CDC42SE2: variants seen among roughly 807,000 people sequenced by gnomAD.
CDC42SE2 encodes CDC42 small effector protein 2.
CDC42SE2 carries 3 observed loss-of-function variants against 11.5 expected under a neutral mutation model. The ratio of observed to expected loss-of-function variants is 0.26; its 90% CI spans 0.12 to 0.67. The LOEUF (loss-of-function observed/expected upper bound fraction) is 0.67, where lower values mean the gene tolerates loss of function less well. Among genes scored for constraint, CDC42SE2 ranks in the 30% least tolerant of loss-of-function variants. The pLI, the probability that CDC42SE2 is intolerant of heterozygous loss-of-function variation, is 0.80. For synonymous variants in CDC42SE2, 33 were observed against 34.8 expected, an observed-to-expected ratio of 0.95 and a Z score of 0.18; for missense variants, 82 against 106.8, an observed-to-expected ratio of 0.77 and a Z score of 1.02.
rs1750712054 is a variant in CDC42SE2, at chr5:131,393,017, A to ATATT, written c.*1928_*1931dup. The ATATT allele has an allele frequency of 6.6e-6, 1 of 152,308 alleles. No homozygotes were observed. The highest frequency in any genetic ancestry group is 2.4e-5 in the African/African-American group (1 of 41,442). 9.4% of individuals were successfully genotyped at this position (152,308 alleles called of 1,614,324 possible). The stretch of plus-strand genomic sequence containing the variant: ...CTTGCACGAATTTTGTATATTTCAA[A>ATATT]TATTTCTGTAAAGGTTTCTTCTTTT... On this transcript the variant is annotated 3_prime_UTR_variant, in exon 5 of 5. Coordinates refer to ENST00000505065, the MANE Select transcript of CDC42SE2 (RefSeq NM_001375635.1).
chr5:131,339,246 GAAAAAAAA>G lies in CDC42SE2; in HGVS notation c.-285-19944_-285-19937del, dbSNP rs34594352. On this transcript the variant is annotated intron_variant, in intron 2 of 4. Transcript: ENST00000505065. ...GTGGTGACAGAGTGAGACTCTGTCT[GAAAAAAAA>G]AAAAAAAAAAAAAAAAAAGAATGCT... Among the ~76,000 whole-genome samples, 18 of 28,238 alleles carry G rather than the reference GAAAAAAAA, an allele frequency of 6.4e-4. No homozygotes were observed. In the East Asian group the frequency reaches 9.9e-3, roughly 16 times the overall value. The allele number at this position is 28,238 out of a possible 152,430, so 18.5% of individuals were successfully genotyped here. A position where few individuals can be genotyped will look rare whatever the true frequency, so the allele number is the denominator to read the frequency against.
chr5:131,279,992 A>C (rs1433192172), intron 1 of CDC42SE2, among the ~76,000 whole-genome samples: 1 of 152,176 alleles, frequency 6.6e-6, no homozygotes, highest in Non-Finnish European at 1.5e-5. Context: ...GCTTGAGCCT[A>C]GGATGTCAAG....
At chr5:131,238,134 A>T in the CDC42SE2 span, among the ~76,000 whole-genome samples, 151,549 of 151,550 alleles carry the variant, frequency 1, 75,774 homozygotes, top group Non-Finnish European at 1. Flanking sequence ...ATCTAAATAA[A>T]TTCTCGGGGG....
At chr5:131,264,498 C>CCG (rs1374160985) in intron 1 of CDC42SE2, among the ~76,000 whole-genome samples, 1 of 151,784 alleles carries the variant, frequency 6.6e-6, no homozygotes, top group Non-Finnish European at 1.5e-5. Flanking sequence ...CAGACCCCCC[C>CCG]CCTCCCCCCA....
intron 1 of CDC42SE2, chr5:131,252,975 C>T (rs1044106100): frequency 2.0e-5 from 3 of 152,230 alleles, no homozygotes; most frequent in Non-Finnish European, 4.4e-5. Flanking sequence ...TGCGCAACTT[C>T]CTCTTCGCAC....
At position 131,356,648 on chromosome 5, in the gene CDC42SE2, G is replaced by A. The variant is rs145932076; in HGVS notation, c.-285-2561G>A. Among the ~76,000 whole-genome samples the A allele has an allele frequency of 4.2e-3, 633 of 152,290 alleles. 3 individuals are homozygous for A. Among genetic ancestry groups the A allele is most frequent in the Middle Eastern group, 0.017 (5 of 294 alleles). ...AGTTATTGTACTTTAGGCCAGGTGCGGTGGCTCATGTCTATAATGCCAGCA... is the reference window on the plus strand; with the variant it reads ...AGTTATTGTACTTTAGGCCAGGTGCAGTGGCTCATGTCTATAATGCCAGCA... On this transcript the variant is annotated intron_variant, in intron 2 of 4. Coordinates refer to ENST00000505065, the MANE Select transcript of CDC42SE2 (RefSeq NM_001375635.1).
chr5:131,273,423 T>C (rs2149695326), intron 1 of CDC42SE2, among the ~76,000 whole-genome samples: 1 of 150,196 alleles, frequency 6.7e-6, no homozygotes, highest in Non-Finnish European at 1.5e-5. Context: ...CCCAAAGTGC[T>C]GGGATTATAG....
chr5:131,309,245 C>A, intron 1 of CDC42SE2, among the ~76,000 whole-genome samples: 1 of 151,288 alleles, frequency 6.6e-6, no homozygotes, highest in Non-Finnish European at 1.5e-5. Flanking sequence ...TGCTGGATTA[C>A]ATTTATTGAT....
At chr5:131,381,007 C>A (rs969603744) in intron 3 of CDC42SE2, among the ~76,000 whole-genome samples, 1 of 152,212 alleles carries the variant, frequency 6.6e-6, no homozygotes. Flanking sequence ...TGACCTCTCA[C>A]CACCTTTCAG....
At chr5:131,390,014 T>G (rs563823821) in intron 4 of CDC42SE2, among the ~76,000 whole-genome samples, 1 of 152,324 alleles carries the variant, frequency 6.6e-6, no homozygotes, top group East Asian at 1.9e-4. Flanking sequence ...GTGCCTTTGT[T>G]TCAGCAAAAA....
chr5:131,265,788 G>A (rs920976211), intron 1 of CDC42SE2, among the ~76,000 whole-genome samples: 7 of 152,124 alleles, frequency 4.6e-5, no homozygotes, highest in Non-Finnish European at 7.4e-5. Context: ...TAAAATGAAG[G>A]GAGGAAGACA....
At chr5:131,352,923 C>T (rs1749390498) in intron 2 of CDC42SE2, among the ~76,000 whole-genome samples, 1 of 152,124 alleles carries the variant, frequency 6.6e-6, no homozygotes, top group Non-Finnish European at 1.5e-5. Context: ...CTGTGTTTTG[C>T]ATTTCCACTT....
chr5:131,261,854 G>C (rs997689834), upstream of CDC42SE2, among the ~76,000 whole-genome samples: 3 of 134,122 alleles, frequency 2.2e-5, no homozygotes, highest in African/African-American at 8.3e-5. Flanking sequence ...GTGAGACCCT[G>C]TCTCAAAAAA....
rs1208617929 is a variant in CDC42SE2, at chr5:131,339,992, A to G, written c.-285-19217A>G. On this transcript the variant is annotated intron_variant, in intron 2 of 4. Transcript: ENST00000505065. ...TACGAAGACAATCTTCAAAACACCT[A>G]TCACAAAAAAAGAATTTTGTATTCA... is the stretch of plus-strand genomic sequence containing the variant. Among the ~76,000 whole-genome samples the G allele has an allele frequency of 2.6e-5, 4 of 152,226 alleles. No individual in the cohort carries two copies. The South Asian group carries it at 8.3e-4, about 32-fold the overall frequency.
the CDC42SE2 span, among the ~76,000 whole-genome samples, chr5:131,224,190 C>T: frequency 2.6e-5 from 4 of 152,140 alleles, no homozygotes; most frequent in South Asian, 8.3e-4. Context: ...GCCATAAATG[C>T]CACCTCTAAT....
At chr5:131,256,916 T>A (rs1356738470) in intron 2 of CDC42SE2, among the ~76,000 whole-genome samples, 1 of 152,238 alleles carries the variant, frequency 6.6e-6, no homozygotes, top group Non-Finnish European at 1.5e-5. Flanking sequence ...ACACACAACC[T>A]AACATAATCA....
chr5:131,219,706 A>G, the CDC42SE2 span, among the ~76,000 whole-genome samples: 48,924 of 152,084 alleles, frequency 0.32, 12,321 homozygotes, highest in African/African-American at 0.71. Context: ...GGAGGAAGAG[A>G]CAGCCAAATC....
At chr5:131,247,064 T>G (rs1756601380) in intron 1 of CDC42SE2, among the ~76,000 whole-genome samples, 1 of 152,132 alleles carries the variant, frequency 6.6e-6, no homozygotes, top group African/African-American at 2.4e-5. Flanking sequence ...CTTAAATACT[T>G]GCTTTAATTC....
chr5:131,253,937 T>A (rs1379494841), intron 1 of CDC42SE2, among the ~76,000 whole-genome samples: 1 of 152,176 alleles, frequency 6.6e-6, no homozygotes, highest in East Asian at 1.9e-4. Flanking sequence ...TTCGGATGTG[T>A]CCTATATTTT....
Sources: gnomAD v4.1 joint callset for allele counts (sites outside exome capture counted in the v4.1 genomes callset) on GRCh38, gnomAD v4.1.1 for gene constraint, MANE v1.5 for transcripts, NCBI Gene and HGNC (gene_info 2026-07-23, HGNC 2026-07-21) for gene names.